Variants in TRMT11 observed in about 807,000 individuals in gnomAD.
The protein encoded by TRMT11 is tRNA (guanine(10)-N(2))-methyltransferase TRMT11.
Under a neutral mutation model 62.8 loss-of-function variants are expected in TRMT11, and 53 were observed. The ratio of observed to expected loss-of-function variants is 0.84; its 90% CI spans 0.68 to 1.06. TRMT11 has a LOEUF of 1.06. Ranked by LOEUF, TRMT11 falls within the 50% of genes least tolerant of loss-of-function variation. TRMT11 has a pLI of 0.00. For missense variants in TRMT11, 556 were observed against 553.4 expected (o/e 1.00, Z -0.05); for synonymous variants, 188 against 190.3 (o/e 0.99, Z 0.10).
exon 18 of TRMT11, among the ~76,000 whole-genome samples, chr6:126,112,922 T>C (rs1777548567): frequency 1.3e-5 from 2 of 152,094 alleles, no homozygotes; most frequent in Admixed American, 1.3e-4. Context: ...TGGTTTTCTA[T>C]GTTGGCTACA....
downstream of TRMT11, among the ~76,000 whole-genome samples, chr6:126,043,763 G>C (rs1328094922): frequency 6.7e-6 from 1 of 150,058 alleles, no homozygotes; most frequent in African/African-American, 2.4e-5. Context: ...GTGTGAGATG[G>C]TATCTCATTG....
the TRMT11 span, among the ~76,000 whole-genome samples, chr6:126,228,399 G>T: frequency 2.0e-5 from 3 of 152,178 alleles, no homozygotes; most frequent in African/African-American, 7.2e-5. Context: ...TGAAGCCATA[G>T]AATAACGTAC....
the TRMT11 span, among the ~76,000 whole-genome samples, chr6:126,224,171 A>C: frequency 7.9e-5 from 12 of 152,280 alleles, no homozygotes; most frequent in African/African-American, 2.6e-4. Flanking sequence ...CTGGTTAAGA[A>C]CCATTGCTGG....
intron 21 of TRMT11, among the ~76,000 whole-genome samples, chr6:126,143,124 A>G (rs757812497): frequency 6.6e-6 from 1 of 152,134 alleles, no homozygotes; most frequent in Non-Finnish European, 1.5e-5. Context: ...TTTCCTTGTC[A>G]TGTTTCACCA....
chr6:126,119,404 T>A (rs1777624045), intron 21 of TRMT11, among the ~76,000 whole-genome samples: 1 of 150,732 alleles, frequency 6.6e-6, no homozygotes, highest in Non-Finnish European at 1.5e-5. Flanking sequence ...CTCTAATAAA[T>A]GGCCATAGTC....
chr6:126,070,144 A>T (rs1437402203), intron 17 of TRMT11, among the ~76,000 whole-genome samples: 1 of 152,210 alleles, frequency 6.6e-6, no homozygotes, highest in African/African-American at 2.4e-5. Context: ...AGAGATAAGT[A>T]TCTGGAGACA....
chr6:126,223,590 A>AT, the TRMT11 span, among the ~76,000 whole-genome samples: 1 of 151,744 alleles, frequency 6.6e-6, no homozygotes, highest in Admixed American at 6.6e-5. Flanking sequence ...TGCCTTTAAT[A>AT]TTTTTTCTCT....
chr6:126,011,274 A>G lies in TRMT11; in HGVS notation c.782A>G (p.Gln261Arg), dbSNP rs888406455. The G allele has an allele frequency of 1.9e-6, 3 of 1,612,526 alleles. No individual in the cohort carries two copies. The highest frequency in any genetic ancestry group is 1.7e-5 in the Admixed American group (1 of 59,864). Reference protein sequence around the residue: ...HGLGKATRKNQKWRGPDENIR... With the variant: ...HGLGKATRKNRKWRGPDENIR... ...TCAGGAAAGGCTACTAGGAAAAACC[A>G]GAAGTGGAGAGGACCAGATGAAAAC... The change falls in exon 9 of 13, where the codon CAG (glutamine) becomes CGG (arginine). Residue 261 changes from glutamine to arginine, a missense_variant. Physicochemically the swap from Gln to Arg is conservative, Grantham distance 43. Transcript: ENST00000334379.
At chr6:126,266,381 T>C in the TRMT11 span, among the ~76,000 whole-genome samples, 4 of 152,194 alleles carry the variant, frequency 2.6e-5, no homozygotes, top group Admixed American at 2.0e-4. Context: ...TAACCACTCG[T>C]GTGTGCTAAT....
chr6:126,168,580 G>A (rs371919760), intron 21 of TRMT11, among the ~76,000 whole-genome samples: 8 of 152,244 alleles, frequency 5.3e-5, no homozygotes, highest in South Asian at 4.2e-4. Context: ...GTGCAGTGGC[G>A]CGATCTTGGC....
At chr6:126,107,885 G>A (rs977548843) in intron 17 of TRMT11, among the ~76,000 whole-genome samples, 1 of 152,154 alleles carries the variant, frequency 6.6e-6, no homozygotes, top group Non-Finnish European at 1.5e-5. Context: ...GCAATTTATA[G>A]TGCTCACTGG....
chr6:126,266,998 C>G, the TRMT11 span, among the ~76,000 whole-genome samples: 1 of 152,114 alleles, frequency 6.6e-6, no homozygotes, highest in East Asian at 1.9e-4. Flanking sequence ...CATGAAAAAT[C>G]TCATTATTAT....
At chr6:126,204,394 G>A (rs9482730), downstream of TRMT11, among the ~76,000 whole-genome samples, 4,572 of 152,218 alleles carry the variant, frequency 0.03, 240 homozygotes, top group African/African-American at 0.1. Context: ...ATTCTCTGCC[G>A]TTAGGCTATG....
chr6:126,008,507 G>C (rs1218573783), intron 8 of TRMT11, 35 bp downstream of exon 8: 1 of 1,548,380 alleles, frequency 6.5e-7, no homozygotes, highest in Non-Finnish European at 8.9e-7. Context: ...TATAGTCATT[G>C]CTGTGGTGCC....
In TRMT11 at chr6:125,999,481, A is replaced by T. The variant is rs866447535; in HGVS notation, c.547A>T (p.Ile183Phe). ...RWIADGQREL[I>F]ESYSVKKRHF... ...GATTGCAGATGGACAGAGAGAGCTT[A>T]TTGAGTCATACAGTGTCAAAAAGAG... The change falls in exon 7 of 13, where the codon ATT becomes TTT. Residue 183 changes from isoleucine (I) to phenylalanine (F), a missense_variant. Coordinates refer to ENST00000334379, the MANE Select transcript of TRMT11 (RefSeq NM_001031712.3). The T allele has an allele frequency of 4.4e-6, 7 of 1,606,472 alleles. No homozygotes were observed. The Middle Eastern group carries it at 8.1e-4, about 186-fold the overall frequency.
intron 17 of TRMT11, among the ~76,000 whole-genome samples, chr6:126,099,808 A>G (rs1777378361): frequency 6.6e-6 from 1 of 152,248 alleles, no homozygotes; most frequent in Non-Finnish European, 1.5e-5. Flanking sequence ...TTATTTTTTA[A>G]ATCCCAGAGA....
intron 21 of TRMT11, among the ~76,000 whole-genome samples, chr6:126,125,552 G>C (rs927241982): frequency 6.6e-6 from 1 of 151,868 alleles, no homozygotes; most frequent in African/African-American, 2.4e-5. Flanking sequence ...ATTTATCAAG[G>C]TTCTATTATG....
chr6:126,046,465 A>G (rs1776063128), intron 16 of TRMT11, among the ~76,000 whole-genome samples: 3 of 152,206 alleles, frequency 2.0e-5, no homozygotes, highest in African/African-American at 7.2e-5. Context: ...GCATACTGGC[A>G]TGGAGCCTCC....
chr6:126,109,774 T>C (rs924735606), intron 17 of TRMT11, among the ~76,000 whole-genome samples: 1 of 152,166 alleles, frequency 6.6e-6, no homozygotes, highest in Admixed American at 6.6e-5. Flanking sequence ...ATTGAACAAA[T>C]GTCATCTATT....
Sources: gnomAD v4.1 joint callset for allele counts (sites outside exome capture counted in the v4.1 genomes callset) on GRCh38, gnomAD v4.1.1 for gene constraint, MANE v1.5 for transcripts, NCBI Gene and HGNC (gene_info 2026-07-23, HGNC 2026-07-21) for gene names.